Variants in CSGALNACT1 observed in about 807,000 individuals in gnomAD.
CSGALNACT1 encodes beta4GalNAcT-1.
A neutral mutation model predicts 51.0 loss-of-function variants in CSGALNACT1; 52 were observed. The ratio of observed to expected loss-of-function variants is 1.02; its 90% CI spans 0.82 to 1.29. The LOEUF is 1.29. Ranked by LOEUF, CSGALNACT1 falls within the 50% of genes most tolerant of loss-of-function variation. The probability of loss-of-function intolerance (pLI) is 0.00; values close to 1 mark genes in which losing one functional copy is unlikely to be tolerated. For missense variants in CSGALNACT1, 935 were observed against 679.2 expected (o/e 1.38, Z -4.19); for synonymous variants, 341 against 254.4 (o/e 1.34, Z -3.24).
At chr8:19,733,640 T>A (rs983928334) in intron 1 of CSGALNACT1, among the ~76,000 whole-genome samples, 2 of 152,108 alleles carry the variant, frequency 1.3e-5, no homozygotes, top group African/African-American at 4.8e-5. Flanking sequence ...GAGTGGTCTA[T>A]GTCCTTCTGC....
In CSGALNACT1 at chr8:19,666,988, A is replaced by T. The variant is rs867485990; in HGVS notation, c.-544+15485T>A. On this transcript the variant is annotated intron_variant, in intron 1 of 9. Transcript: ENST00000332246. ...GAAAGAAAGAAAGAAAGAAAGAAAG[A>T]AAGAAAGAAAGAAAGAAAGAAAGAA... Among the ~76,000 whole-genome samples the T allele has an allele frequency of 5.8e-3, 100 of 17,302 alleles. 5 individuals carry two copies. The highest frequency in any genetic ancestry group is 0.036 in the African/African-American group (94 of 2,630). 11.4% of individuals were successfully genotyped at this position (17,302 alleles called of 152,430 possible). A position where few individuals can be genotyped will look rare whatever the true frequency, so the allele number is the denominator to read the frequency against.
chr8:19,482,798 T>G (rs80182430), intron 4 of CSGALNACT1, among the ~76,000 whole-genome samples: 5,947 of 152,236 alleles, frequency 0.039, 398 homozygotes, highest in African/African-American at 0.14. Context: ...TAGCTCCAAA[T>G]TTGATTTTTA....
intron 6 of CSGALNACT1, among the ~76,000 whole-genome samples, chr8:19,431,450 A>T (rs1293607289): frequency 1.3e-5 from 2 of 152,034 alleles, no homozygotes; most frequent in Non-Finnish European, 2.9e-5. Flanking sequence ...TGAGTCTATT[A>T]ATATGGCATA....
At chr8:19,652,964 C>A (rs540641549) in intron 1 of CSGALNACT1, among the ~76,000 whole-genome samples, 42 of 152,292 alleles carry the variant, frequency 2.8e-4, no homozygotes, top group Admixed American at 7.8e-4. Context: ...TTTCCAGTAA[C>A]CAAGTATCTG....
intron 3 of CSGALNACT1, among the ~76,000 whole-genome samples, chr8:19,571,268 C>T (rs1337881219): frequency 3.9e-5 from 6 of 152,076 alleles, no homozygotes; most frequent in East Asian, 1.9e-4. Flanking sequence ...TTTGAAACTC[C>T]GTATCCGATA....
Position 19,408,831 on chromosome 8 carries a change from G to A in CSGALNACT1, c.1228-137C>T, listed in dbSNP as rs1316390183. Reference sequence around the variant, plus strand: ...AACAGCCTCCACTGGTGCAGGAAACGCAGATGGATTTGAGTCCTTGCAGAC... The same window carrying A: ...AACAGCCTCCACTGGTGCAGGAAACACAGATGGATTTGAGTCCTTGCAGAC... On this transcript the variant is annotated intron_variant, in intron 8 of 9. Transcript: ENST00000454498. 6.3e-5 allele frequency: 48 copies of A among 763,218 alleles called. 1 individual carries two copies. The highest frequency in any genetic ancestry group is 4.7e-4 in the Middle Eastern group (2 of 4,298). 47.3% of individuals were successfully genotyped at this position (763,218 alleles called of 1,614,324 possible).
rs1435820910 is a variant in CSGALNACT1, at chr8:19,667,017, AAGGAAGGAAGGAAGGAAGG to A, written c.-544+15437_-544+15455del. Among the ~76,000 whole-genome samples the A allele has an allele frequency of 7.9e-4, 29 of 36,702 alleles. 5 individuals are homozygous for A. Among genetic ancestry groups the A allele is most frequent in the African/African-American group, 3.7e-3 (24 of 6,416 alleles). 24.1% of individuals were successfully genotyped at this position (36,702 alleles called of 152,430 possible). A position where few individuals can be genotyped will look rare whatever the true frequency, so the allele number is the denominator to read the frequency against. On this transcript the variant is annotated intron_variant, in intron 1 of 9. Coordinates refer to the CSGALNACT1 transcript ENST00000332246. The stretch of plus-strand genomic sequence containing the variant: ...AAAGAAAGAAAGAAAGAAAGAAAGA[AAGGAAGGAAGGAAGGAAGG>A]AAGGAAGAAAGAAAGAAAGAAAGAA...
chr8:19,433,338 G>A (rs1327872242), intron 6 of CSGALNACT1, among the ~76,000 whole-genome samples: 1 of 152,172 alleles, frequency 6.6e-6, no homozygotes, highest in South Asian at 2.1e-4. Flanking sequence ...ACAAGTGGGA[G>A]CTTAGGACAT....
intron 3 of CSGALNACT1, among the ~76,000 whole-genome samples, chr8:19,528,456 G>C (rs62493885): frequency 0.15 from 22,609 of 151,970 alleles, 1,765 homozygotes; most frequent in Middle Eastern, 0.2. Context: ...ACAAAAACAA[G>C]GTCAACATGT....
At chr8:19,477,776 G>T (rs1226215542) in intron 4 of CSGALNACT1, among the ~76,000 whole-genome samples, 2 of 152,220 alleles carry the variant, frequency 1.3e-5, no homozygotes, top group East Asian at 3.9e-4. Context: ...CAGGGTGGTT[G>T]TGAGGACTGA....
At chr8:19,608,354 T>C (rs2051701304) in intron 1 of CSGALNACT1, among the ~76,000 whole-genome samples, 2 of 152,034 alleles carry the variant, frequency 1.3e-5, no homozygotes, top group Non-Finnish European at 2.9e-5. Context: ...AGGGCAGAGG[T>C]GTGTGGTTCA....
At chr8:19,505,396 G>A (rs1465307607) in exon 4 of CSGALNACT1, 3 of 1,614,192 alleles carry the variant, frequency 1.9e-6, no homozygotes, top group Admixed American at 1.7e-5. Flanking sequence ...CTATCGAAAG[G>A]CACTGCTGCA....
At position 19,564,807 on chromosome 8, in the gene CSGALNACT1, T is replaced by G. The variant is rs116265993; in HGVS notation, c.-297+26353A>C. Among the ~76,000 whole-genome samples the G allele has an allele frequency of 9.4e-3, 1,437 of 152,352 alleles. 18 individuals carry two copies. Among genetic ancestry groups the G allele is most frequent in the African/African-American group, 0.032 (1,341 of 41,580 alleles). The stretch of plus-strand genomic sequence containing the variant: ...TTCTGTGGTTTTTTAATTGGCTACC[T>G]TGCCCCATGAGAATGTAAGCCCCAT... On this transcript the variant is annotated intron_variant, in intron 3 of 9. Coordinates refer to ENST00000454498, the Ensembl canonical transcript of CSGALNACT1.
intron 1 of CSGALNACT1, among the ~76,000 whole-genome samples, chr8:19,625,554 C>A (rs1405762183): frequency 1.3e-5 from 2 of 152,136 alleles, no homozygotes; most frequent in Non-Finnish European, 2.9e-5. Flanking sequence ...GTGCCTGAGC[C>A]TCACACCTTG....
intron 1 of CSGALNACT1, among the ~76,000 whole-genome samples, chr8:19,650,124 G>T (rs138949586): frequency 1.3e-5 from 2 of 152,152 alleles, no homozygotes; most frequent in Non-Finnish European, 2.9e-5. Flanking sequence ...GTGAGACTCA[G>T]ATTATGCATT....
chr8:19,738,981 T>C (rs11986293), intron 1 of CSGALNACT1, among the ~76,000 whole-genome samples: 8,811 of 152,126 alleles, frequency 0.058, 872 homozygotes, highest in African/African-American at 0.2. Context: ...CTATACAACA[T>C]TAATCAAACA....
intron 1 of CSGALNACT1, among the ~76,000 whole-genome samples, chr8:19,741,561 A>G (rs113194207): frequency 0.017 from 63 of 3,798 alleles, no homozygotes; most frequent in South Asian, 0.12. Flanking sequence ...AGACTCCATC[A>G]AAAAAAAAAA....
chr8:19,445,515 G>A (rs1563433532), intron 5 of CSGALNACT1, among the ~76,000 whole-genome samples: 1 of 152,304 alleles, frequency 6.6e-6, no homozygotes, highest in East Asian at 1.9e-4. Context: ...TTGTTGTGAG[G>A]TCTACCTCCA....
chr8:19,441,268 C>G (rs1395168332), intron 5 of CSGALNACT1, among the ~76,000 whole-genome samples: 1 of 152,228 alleles, frequency 6.6e-6, no homozygotes, highest in Non-Finnish European at 1.5e-5. Flanking sequence ...CAAGTCAATC[C>G]TAAGCCAAAA....
Sources: allele counts gnomAD v4.1 joint callset (sites outside exome capture counted in the v4.1 genomes callset), GRCh38; gene constraint gnomAD v4.1.1; transcripts MANE v1.5; gene names NCBI Gene and HGNC (gene_info 2026-07-23, HGNC 2026-07-21).